PFKP: variants seen among roughly 807,000 people sequenced by gnomAD.
The protein encoded by PFKP is ATP-dependent 6-phosphofructokinase, platelet type.
Under a neutral mutation model 94.3 loss-of-function variants are expected in PFKP, and 101 were observed. The ratio of observed to expected loss-of-function variants is 1.07; its 90% CI spans 0.91 to 1.26. The LOEUF is 1.26. Among genes scored for constraint, PFKP ranks in the 50% most tolerant of loss-of-function variants. The probability of loss-of-function intolerance (pLI) is 0.00; values close to 1 mark genes in which losing one functional copy is unlikely to be tolerated. For synonymous variants in PFKP, 573 were observed against 432.6 expected (o/e 1.32, Z -4.03); for missense variants, 1,145 against 1,103.3 (o/e 1.04, Z -0.53).
chr10:3,134,169 T>G (rs895400028), intron 19 of PFKP, among the ~76,000 whole-genome samples: 5 of 152,230 alleles, frequency 3.3e-5, no homozygotes, highest in Admixed American at 3.3e-4. Flanking sequence ...ACAACGGTTA[T>G]CAGATTAAAG....
intron 13 of PFKP, among the ~76,000 whole-genome samples, chr10:3,115,005 G>A (rs1440869092): frequency 6.6e-6 from 1 of 152,202 alleles, no homozygotes; most frequent in Non-Finnish European, 1.5e-5. Flanking sequence ...CAGATGGCGA[G>A]AAACCTTCAA....
chr10:3,121,772 C>T (rs551014292), intron 16 of PFKP, among the ~76,000 whole-genome samples: 3 of 136,334 alleles, frequency 2.2e-5, no homozygotes, highest in South Asian at 2.3e-4. Context: ...TCGAGTTTCT[C>T]GAAGCTAGGT....
intron 2 of PFKP, among the ~76,000 whole-genome samples, chr10:3,093,328 C>T (rs1465068328): frequency 6.6e-6 from 1 of 152,154 alleles, no homozygotes; most frequent in Non-Finnish European, 1.5e-5. Context: ...TTAAACATAA[C>T]TATTTCTGCC....
At chr10:3,118,944 T>C in intron 15 of PFKP, 75 bp downstream of exon 15, 4 of 1,079,664 alleles carry the variant, frequency 3.7e-6, no homozygotes, top group Non-Finnish European at 5.5e-6. Context: ...TTAAGCTACT[T>C]GTTGGCTACT....
Position 3,067,640 on chromosome 10 carries a change from G to A in PFKP, c.45G>A (p.Lys15=). The A allele has an allele frequency of 6.5e-7, 1 of 1,535,390 alleles. No homozygotes were observed. Among genetic ancestry groups the A allele is most frequent in the Non-Finnish European group, 8.8e-7 (1 of 1,140,682 alleles). The change falls in exon 1 of 22, where the codon AAG becomes AAA. Residue 15 remains lysine (K), a synonymous_variant. Coordinates refer to ENST00000381125, the MANE Select transcript of PFKP (RefSeq NM_002627.5). ...DSRAPKGSLR[K]FLEHLSGAGK... The stretch of plus-strand genomic sequence containing the variant: ...GGGCCCCCAAGGGCTCCTTGCGGAA[G>A]TTCCTGGAGCACCTCTCCGGGGCCG...
intron 1 of PFKP, among the ~76,000 whole-genome samples, chr10:3,075,224 G>A (rs1233317500): frequency 1.3e-5 from 2 of 152,120 alleles, no homozygotes; most frequent in Non-Finnish European, 2.9e-5. Flanking sequence ...TCCAGCCTGG[G>A]CGTTAGGGCC....
At position 3,091,567 on chromosome 10, in the gene PFKP, T is replaced by G. The variant is rs570885692; in HGVS notation, c.187-7708T>G. Among the ~76,000 whole-genome samples, 5 of 151,922 alleles carry G rather than the reference T, an allele frequency of 3.3e-5. No homozygotes were observed. The South Asian group carries it at 8.3e-4, about 25-fold the overall frequency. ...CCGTGGCTCATACTTGTAGTCCCAG[T>G]ACTTTGGGAGGCTGAGGCGGATGGA... is the stretch of plus-strand genomic sequence containing the variant. On this transcript the variant is annotated intron_variant, in intron 2 of 21. Coordinates refer to ENST00000381125, the MANE Select transcript of PFKP (RefSeq NM_002627.5).
chr10:3,107,079 C>G, intron 7 of PFKP, 135 bp from the exon 8 acceptor site: 1 of 612,122 alleles, frequency 1.6e-6, no homozygotes, highest in South Asian at 1.8e-5. Context: ...TGGGAAGCAG[C>G]TCTTAGGAAG....
intron 12 of PFKP, 36 bp from the exon 13 acceptor site, chr10:3,113,336 C>T: frequency 6.3e-7 from 1 of 1,575,642 alleles, no homozygotes; most frequent in Non-Finnish European, 8.6e-7. Flanking sequence ...TCACGTGTGC[C>T]CGTGACCCAG....
intron 1 of PFKP, among the ~76,000 whole-genome samples, chr10:3,071,230 ATAT>A (rs1478473565): frequency 6.6e-6 from 1 of 152,132 alleles, no homozygotes; most frequent in Non-Finnish European, 1.5e-5. Context: ...GGCAAGAACG[ATAT>A]TATGTGATGG....
At chr10:3,125,233 T>C in intron 16 of PFKP, 1 of 1,323,460 alleles carries the variant, frequency 7.6e-7, no homozygotes. Flanking sequence ...GACACTGGCC[T>C]GAATGCTGTT....
At chr10:3,110,799 C>T (rs372403079) in intron 10 of PFKP, among the ~76,000 whole-genome samples, 1 of 151,572 alleles carries the variant, frequency 6.6e-6, no homozygotes, top group Admixed American at 6.6e-5. Flanking sequence ...CATGTGTGTG[C>T]ATGTTTGTGA....
At chr10:3,075,255 C>T (rs1832488634) in intron 1 of PFKP, among the ~76,000 whole-genome samples, 1 of 151,924 alleles carries the variant, frequency 6.6e-6, no homozygotes, top group Non-Finnish European at 1.5e-5. Context: ...TGTCACAGTG[C>T]TGCAGAGATT....
chr10:3,068,587 C>T, intron 1 of PFKP: 1 of 804,922 alleles, frequency 1.2e-6, no homozygotes, highest in Non-Finnish European at 1.5e-6. Flanking sequence ...CTAGGAGGGG[C>T]CCGAGGCTGG....
At chr10:3,101,050 C>A in intron 3 of PFKP, 4 of 1,454,376 alleles carry the variant, frequency 2.8e-6, no homozygotes, top group Non-Finnish European at 3.9e-6. Context: ...AGCTCGTTGG[C>A]CGGTGCTGAG....
Position 3,096,801 on chromosome 10 carries a change from G to A in PFKP, c.187-2474G>A, listed in dbSNP as rs549657897. On this transcript the variant is annotated intron_variant, in intron 2 of 21. Coordinates refer to ENST00000381125, the MANE Select transcript of PFKP (RefSeq NM_002627.5). The stretch of plus-strand genomic sequence containing the variant: ...ATTCTTAGCAGAAACCTGGGAGGCC[G>A]GGTGCGGCGGCTCATGCCTGTAATC... Among the ~76,000 whole-genome samples the A allele has an allele frequency of 5.4e-4, 81 of 151,108 alleles. 1 individual carries two copies. The South Asian group carries it at 0.015, about 28-fold the overall frequency.
chr10:3,115,466 CCGCCA>C (rs1253959991), intron 13 of PFKP, among the ~76,000 whole-genome samples: 573 of 37,170 alleles, frequency 0.015, 137 homozygotes, highest in Middle Eastern at 0.037. Context: ...GGTGTGTGTC[CCGCCA>C]TGGAGGACAG....
chr10:3,104,288 A>G (rs1220353555), intron 5 of PFKP, among the ~76,000 whole-genome samples: 3 of 152,192 alleles, frequency 2.0e-5, no homozygotes, highest in African/African-American at 7.2e-5. Flanking sequence ...TTAGAAACGC[A>G]GCCAGCGATG....
chr10:3,076,202 C>T (rs894242289), intron 1 of PFKP, among the ~76,000 whole-genome samples: 3 of 152,110 alleles, frequency 2.0e-5, no homozygotes, highest in Non-Finnish European at 4.4e-5. Context: ...GTGGACGGGA[C>T]GCACGTGGCC....
Sources: allele counts gnomAD v4.1 joint callset (sites outside exome capture counted in the v4.1 genomes callset), GRCh38; gene constraint gnomAD v4.1.1; transcripts MANE v1.5; gene names NCBI Gene and HGNC (gene_info 2026-07-23, HGNC 2026-07-21).